ZNF407: variants seen among roughly 807,000 people sequenced by gnomAD.
ZNF407 encodes zinc finger protein 407.
ZNF407 carries 17 observed loss-of-function variants against 131.2 expected under a neutral mutation model. The observed-to-expected ratio is 0.13, with a 90% CI of 0.09 to 0.19. The LOEUF (loss-of-function observed/expected upper bound fraction) is 0.19, where lower values mean the gene tolerates loss of function less well. Among genes scored for constraint, ZNF407 ranks in the 10% least tolerant of loss-of-function variants. The pLI is 1.00. For synonymous variants in ZNF407, 1,156 were observed against 1,062.0 expected (o/e 1.09, Z -1.72); for missense variants, 2,681 against 2,830.6 (o/e 0.95, Z 1.20).
At chr18:74,812,380 A>G (rs926962026) in intron 4 of ZNF407, among the ~76,000 whole-genome samples, 7 of 152,200 alleles carry the variant, frequency 4.6e-5, no homozygotes, top group Non-Finnish European at 7.3e-5. Context: ...ACTACCTTCA[A>G]TGTAATCCCC....
At chr18:74,653,266 C>A (rs1384955555) in intron 3 of ZNF407, among the ~76,000 whole-genome samples, 2 of 151,716 alleles carry the variant, frequency 1.3e-5, no homozygotes, top group Non-Finnish European at 3.0e-5. Context: ...GTTTTAGTTG[C>A]AGGGATTTCA....
At position 74,704,187 on chromosome 18, in the gene ZNF407, C is replaced by A. The variant is rs538972102; in HGVS notation, c.4802+63065C>A. Among the ~76,000 whole-genome samples the A allele has an allele frequency of 2.6e-5, 4 of 152,336 alleles. 1 individual carries two copies. The highest frequency in any genetic ancestry group is 2.0e-4 in the Admixed American group (3 of 15,306). On this transcript the variant is annotated intron_variant, in intron 3 of 8. Coordinates refer to ENST00000299687, the MANE Select transcript of ZNF407 (RefSeq NM_017757.3). ...TGTAAATGATGAAGCTCATCAGCTC[C>A]ATTCCTCCCTAAATCTTCTGGTAAA...
intron 4 of ZNF407, among the ~76,000 whole-genome samples, chr18:74,871,893 A>G (rs1430858988): frequency 6.7e-6 from 1 of 149,752 alleles, no homozygotes; most frequent in Non-Finnish European, 1.5e-5. Context: ...ACAGAGTCTC[A>G]GAGTCTCACT....
chr18:74,738,714 G>A (rs193231803), intron 3 of ZNF407, among the ~76,000 whole-genome samples: 243 of 152,136 alleles, frequency 1.6e-3, no homozygotes, highest in Middle Eastern at 6.8e-3. Context: ...TCTCCAGCCC[G>A]GGTGACAGTG....
chr18:74,764,762 A>G (rs1969190247), intron 3 of ZNF407, among the ~76,000 whole-genome samples: 1 of 152,236 alleles, frequency 6.6e-6, no homozygotes, highest in African/African-American at 2.4e-5. Context: ...CTCAACTACT[A>G]GTAGCCTACT....
At chr18:74,814,927 TATC>T (rs1394734430) in intron 4 of ZNF407, among the ~76,000 whole-genome samples, 3 of 151,868 alleles carry the variant, frequency 2.0e-5, no homozygotes, top group East Asian at 3.9e-4. Context: ...AAATTCAAAA[TATC>T]ATATTATATA....
At chr18:74,768,737 G>A (rs919102236) in intron 3 of ZNF407, among the ~76,000 whole-genome samples, 3 of 152,104 alleles carry the variant, frequency 2.0e-5, no homozygotes, top group African/African-American at 2.4e-5. Flanking sequence ...TAGTAATACC[G>A]TAATGTGTAT....
intron 8 of ZNF407, among the ~76,000 whole-genome samples, chr18:74,995,634 A>T (rs1384643961): frequency 6.6e-6 from 1 of 152,176 alleles, no homozygotes; most frequent in African/African-American, 2.4e-5. Flanking sequence ...ATGAAGTCTT[A>T]ATCTTTTTTA....
chr18:74,741,175 G>T (rs147536808), intron 3 of ZNF407, among the ~76,000 whole-genome samples: 5 of 152,252 alleles, frequency 3.3e-5, no homozygotes, highest in Admixed American at 1.3e-4. Flanking sequence ...AAAAATACAT[G>T]TATGGATGGT....
At chr18:74,818,265 G>A (rs950532197) in intron 4 of ZNF407, among the ~76,000 whole-genome samples, 2 of 152,138 alleles carry the variant, frequency 1.3e-5, no homozygotes, top group Non-Finnish European at 2.9e-5. Context: ...CGAGCATAGC[G>A]CCATCCCGGA....
intron 3 of ZNF407, among the ~76,000 whole-genome samples, chr18:74,726,104 CT>C: frequency 6.6e-6 from 1 of 152,148 alleles, no homozygotes; most frequent in Non-Finnish European, 1.5e-5. Context: ...TTTAGAGCCA[CT>C]TTCTAGTTCA....
At chr18:74,735,805 T>G (rs1014312361) in intron 3 of ZNF407, among the ~76,000 whole-genome samples, 1 of 152,318 alleles carries the variant, frequency 6.6e-6, no homozygotes, top group Non-Finnish European at 1.5e-5. Context: ...TTTGAGTATA[T>G]TTATCTTCGT....
At chr18:74,659,146 T>A (rs1415386318) in intron 3 of ZNF407, among the ~76,000 whole-genome samples, 1 of 152,198 alleles carries the variant, frequency 6.6e-6, no homozygotes, top group Non-Finnish European at 1.5e-5. Flanking sequence ...CTTTCTGATT[T>A]CATAATACGT....
chr18:74,827,986 C>G (rs1484605507), intron 4 of ZNF407, among the ~76,000 whole-genome samples: 2 of 152,092 alleles, frequency 1.3e-5, no homozygotes, highest in African/African-American at 4.8e-5. Context: ...TTTTTTAACC[C>G]TATACATAGC....
At chr18:74,891,247 T>C (rs1335032737) in intron 7 of ZNF407, among the ~76,000 whole-genome samples, 1 of 152,210 alleles carries the variant, frequency 6.6e-6, no homozygotes, top group Non-Finnish European at 1.5e-5. Context: ...GAATGACATC[T>C]GTTTTAAGAA....
chr18:74,823,310 G>C (rs892462684), intron 4 of ZNF407, among the ~76,000 whole-genome samples: 19 of 152,084 alleles, frequency 1.2e-4, no homozygotes, highest in African/African-American at 4.6e-4. Flanking sequence ...CAACTAACAG[G>C]CAAAATAACC....
chr18:74,887,455 TA>T (rs542724535), intron 6 of ZNF407, among the ~76,000 whole-genome samples: 9 of 151,012 alleles, frequency 6.0e-5, no homozygotes, highest in African/African-American at 1.2e-4. Flanking sequence ...ATATAGTCTT[TA>T]AAAAAAAACA....
chr18:74,643,265 G>A (rs1179457694), intron 3 of ZNF407, among the ~76,000 whole-genome samples: 1 of 152,064 alleles, frequency 6.6e-6, no homozygotes, highest in Non-Finnish European at 1.5e-5. Context: ...AATGCTCAGT[G>A]GACCTATTAG....
chr18:74,716,771 C>T (rs187636869), intron 3 of ZNF407, among the ~76,000 whole-genome samples: 123 of 152,160 alleles, frequency 8.1e-4, no homozygotes, highest in Middle Eastern at 3.4e-3. Flanking sequence ...AGCAATGTAT[C>T]GGTAATGTTT....
Sources: gnomAD v4.1 joint callset for allele counts (sites outside exome capture counted in the v4.1 genomes callset) on GRCh38, gnomAD v4.1.1 for gene constraint, MANE v1.5 for transcripts, NCBI Gene and HGNC (gene_info 2026-07-23, HGNC 2026-07-21) for gene names.